ABITRAM: variants seen among roughly 807,000 people sequenced by gnomAD.
The protein encoded by ABITRAM is protein Abitram.
In ABITRAM, 19 loss-of-function variants were observed where a neutral mutation model predicts 22.9. That is an observed-to-expected ratio of 0.83 (90% CI 0.58 to 1.22). ABITRAM has a LOEUF of 1.22. Ranked by LOEUF, ABITRAM falls within the 50% of genes most tolerant of loss-of-function variation. ABITRAM has a pLI of 0.00. For synonymous variants in ABITRAM, 70 were observed against 73.9 expected, an observed-to-expected ratio of 0.95 and a Z score of 0.27; for missense variants, 215 against 220.2, an observed-to-expected ratio of 0.98 and a Z score of 0.15.
At chr9:108,935,430 A>G (rs564977080) in intron 1 of ABITRAM, among the ~76,000 whole-genome samples, 2 of 152,370 alleles carry the variant, frequency 1.3e-5, no homozygotes, top group East Asian at 3.9e-4. Context: ...TTAATGTTGA[A>G]TAAATTATTC....
downstream of ABITRAM, chr9:108,942,659 T>C (rs553299916): frequency 3.7e-5 from 29 of 794,414 alleles, no homozygotes; most frequent in Non-Finnish European, 5.9e-5. Context: ...AATTTCAATA[T>C]TGTTTTCTTT....
At chr9:108,947,212 C>T (rs886689332) in intron 3 of ABITRAM, among the ~76,000 whole-genome samples, 1 of 150,084 alleles carries the variant, frequency 6.7e-6, no homozygotes, top group African/African-American at 2.5e-5. Flanking sequence ...CTCCCGGGTT[C>T]ACGCCACTCT....
At chr9:108,943,129 A>T (rs1473820898), downstream of ABITRAM, 6 of 1,210,054 alleles carry the variant, frequency 5.0e-6, no homozygotes, top group African/African-American at 9.3e-5. Flanking sequence ...ACATGATAAA[A>T]TTTCTCCATA....
chr9:108,947,290 T>A (rs1830436158), intron 3 of ABITRAM, among the ~76,000 whole-genome samples: 1 of 152,096 alleles, frequency 6.6e-6, no homozygotes, highest in Non-Finnish European at 1.5e-5. Flanking sequence ...ATTTTGTGTA[T>A]TTTTAGTGGA....
At chr9:108,942,765 C>G (rs1830279764), downstream of ABITRAM, 5 of 1,592,006 alleles carry the variant, frequency 3.1e-6, no homozygotes, top group East Asian at 1.1e-4. Context: ...ACCCCAAAAG[C>G]TTCTCAAGTT....
downstream of ABITRAM, chr9:108,942,916 A>C: frequency 6.2e-7 from 1 of 1,609,368 alleles, no homozygotes; most frequent in Non-Finnish European, 8.5e-7. Flanking sequence ...TTTTCTTTTA[A>C]ACCATTTTTT....
downstream of ABITRAM, among the ~76,000 whole-genome samples, chr9:108,941,319 G>T (rs916188703): frequency 1.1e-4 from 16 of 152,030 alleles, no homozygotes; most frequent in Admixed American, 1.0e-3. Context: ...CAAACCAGCA[G>T]ATCCTCACTT....
chr9:108,943,994 G>A (rs754763124), downstream of ABITRAM: 43 of 1,613,700 alleles, frequency 2.7e-5, 1 homozygote, highest in Non-Finnish European at 3.5e-5. Context: ...CTGGAAGTAA[G>A]CTTTAAACCC....
Position 108,939,720 on chromosome 9 carries a change from C to A in ABITRAM, c.*34C>A. 1 of 1,610,018 alleles carries A rather than the reference C, an allele frequency of 6.2e-7. No individual in the cohort carries two copies. On this transcript the variant is annotated 3_prime_UTR_variant, in exon 6 of 6. Transcript: ENST00000322940. The stretch of plus-strand genomic sequence containing the variant: ...ATGGAACAAAAAGCAAAGTGGGATT[C>A]TTGTTACCTGGCCTAAACCATCAGG...
At position 108,934,532 on chromosome 9, in the gene ABITRAM, G is replaced by C; in HGVS notation, c.46G>C (p.Val16Leu). The C allele has an allele frequency of 1.9e-6, 3 of 1,606,594 alleles. No individual in the cohort carries two copies. The highest frequency in any genetic ancestry group is 2.5e-6 in the Non-Finnish European group (3 of 1,177,502). The change falls in exon 1 of 6, where the codon GTG (valine) becomes CTG (leucine). Residue 16 changes from valine to leucine, a missense_variant. Val to Leu is a conservative substitution (Grantham distance 32). Transcript: ENST00000322940. ...CGCGGAGCCGGTGGTGCCTTCGCTC[G>C]TGGATCGATACTTCACTCGCTGGTA... ...EAAEPVVPSL[V>L]DRYFTRWYKP...
intron 3 of ABITRAM, among the ~76,000 whole-genome samples, chr9:108,948,409 A>G (rs548689781): frequency 1.3e-5 from 2 of 152,320 alleles, no homozygotes; most frequent in South Asian, 4.1e-4. Context: ...ATATTTGACA[A>G]TTATTTATTA....
chr9:108,943,253 C>T (rs1830299144), downstream of ABITRAM, among the ~76,000 whole-genome samples: 1 of 152,150 alleles, frequency 6.6e-6, no homozygotes, highest in African/African-American at 2.4e-5. Context: ...TCTCATGGAA[C>T]CCCAGCAGAA....
chr9:108,943,720 T>C, downstream of ABITRAM: 3 of 1,611,654 alleles, frequency 1.9e-6, no homozygotes, highest in East Asian at 2.2e-5. Flanking sequence ...AATACTTTAT[T>C]CTGCAAAGAA....
At chr9:108,947,419 G>A (rs558368613) in intron 3 of ABITRAM, among the ~76,000 whole-genome samples, 2 of 152,208 alleles carry the variant, frequency 1.3e-5, no homozygotes, top group African/African-American at 4.8e-5. Flanking sequence ...GGCCTAAAGT[G>A]ATAGAAATTT....
At chr9:108,949,290 A>G (rs536543550) in intron 3 of ABITRAM, among the ~76,000 whole-genome samples, 2 of 152,286 alleles carry the variant, frequency 1.3e-5, no homozygotes, top group East Asian at 3.9e-4. Context: ...TCGTAGTGCA[A>G]CCCCTCATGT....
Position 108,939,567 on chromosome 9 carries a change from A to G in ABITRAM, c.427A>G (p.Ile143Val), listed in dbSNP as rs1286860633. 2 of 1,614,008 alleles carry G rather than the reference A, an allele frequency of 1.2e-6. No individual in the cohort carries two copies. The highest frequency in any genetic ancestry group is 1.1e-5 in the South Asian group (1 of 91,050). The change falls in exon 6 of 6, where the codon ATT becomes GTT. Residue 143 changes from isoleucine to valine, a missense_variant. By Grantham distance (29) the Ile-to-Val change is conservative. Transcript: ENST00000322940. ...TTTCCAGCCATCTACTGAAGGCTACATTGCAGTTGTGTTACCCAAATTTGA... is the reference window on the plus strand; with the variant it reads ...TTTCCAGCCATCTACTGAAGGCTACGTTGCAGTTGTGTTACCCAAATTTGA... ...LQEKPSTEGY[I>V]AVVLPKFEES...
downstream of ABITRAM, chr9:108,943,802 G>A: frequency 3.1e-6 from 5 of 1,613,406 alleles, no homozygotes; most frequent in Middle Eastern, 6.6e-4. Context: ...GCATAAGCTT[G>A]TCATCGTCTT....
downstream of ABITRAM, chr9:108,942,865 T>C: frequency 6.2e-7 from 1 of 1,612,816 alleles, no homozygotes; most frequent in East Asian, 2.2e-5. Context: ...TAGTATCTGG[T>C]TTCACTCTGA....
chr9:108,936,859 G>GAA (rs1056818791), intron 3 of ABITRAM, among the ~76,000 whole-genome samples: 1 of 144,018 alleles, frequency 6.9e-6, no homozygotes, highest in Non-Finnish European at 1.5e-5. Flanking sequence ...AAGGGAGTTA[G>GAA]AAAAAAAAAA....
Sources: gnomAD v4.1 joint callset for allele counts (sites outside exome capture counted in the v4.1 genomes callset) on GRCh38, gnomAD v4.1.1 for gene constraint, MANE v1.5 for transcripts, NCBI Gene and HGNC (gene_info 2026-07-23, HGNC 2026-07-21) for gene names.